The following OAS2 variants were observed in gnomAD, a reference collection of about 807,000 sequenced individuals.
The protein encoded by OAS2 is 2'-5'-oligoadenylate synthetase 2.
OAS2 carries 67 observed loss-of-function variants against 71.3 expected under a neutral mutation model. That is an observed-to-expected ratio of 0.94 (90% confidence interval 0.77 to 1.15). The LOEUF (loss-of-function observed/expected upper bound fraction) is 1.15, where lower values mean the gene tolerates loss of function less well. Ranked by LOEUF, OAS2 falls within the 50% of genes most tolerant of loss-of-function variation. The pLI is 0.00. For synonymous variants in OAS2, 327 were observed against 321.8 expected (o/e 1.02, Z -0.17); for missense variants, 789 against 822.5 (o/e 0.96, Z 0.50).
At chr12:112,998,817 A>G (rs945076864) in intron 5 of OAS2, among the ~76,000 whole-genome samples, 14 of 152,174 alleles carry the variant, frequency 9.2e-5, no homozygotes, top group Non-Finnish European at 1.6e-4. Flanking sequence ...AACAACAGTC[A>G]TACTGAATTA....
chr12:113,003,124 G>T (rs2044304329), intron 6 of OAS2, 22 bp downstream of exon 6: 1 of 1,612,492 alleles, frequency 6.2e-7, no homozygotes, highest in Non-Finnish European at 8.5e-7. Flanking sequence ...CCTTTCTCAT[G>T]TCTTGTTGGA....
chr12:112,985,706 T>C (rs937702967), intron 1 of OAS2, among the ~76,000 whole-genome samples: 2 of 152,260 alleles, frequency 1.3e-5, no homozygotes, highest in Non-Finnish European at 2.9e-5. Flanking sequence ...CCTTTGGAAG[T>C]GCCATGTTTC....
intron 2 of OAS2, among the ~76,000 whole-genome samples, chr12:112,990,684 A>G (rs1391990596): frequency 6.6e-6 from 1 of 152,232 alleles, no homozygotes; most frequent in African/African-American, 2.4e-5. Flanking sequence ...ATTTTGGGGT[A>G]AAATACTTTT....
Position 112,987,065 on chromosome 12 carries a change from T to A in OAS2, c.205T>A (p.Leu69Ile). 6.2e-7 allele frequency: 1 copy of A among 1,613,818 alleles called. No individual in the cohort carries two copies. The highest frequency in any genetic ancestry group is 8.5e-7 in the Non-Finnish European group (1 of 1,179,734). Residue 69 changes from leucine to isoleucine, a missense_variant, in exon 2 of 10, where the codon TTA (leucine) becomes ATA (isoleucine). Leu to Ile is a conservative substitution (Grantham distance 5). Coordinates refer to ENST00000392583, the MANE Select transcript of OAS2 (RefSeq NM_002535.3). The stretch of plus-strand genomic sequence containing the variant: ...TGGCTCCTATGGACGGAAAACAGTC[T>A]TAAGAGGCAACTCCGATGGTACCCT... ...IGGSYGRKTV[L>I]RGNSDGTLVL...
At chr12:112,995,564 T>C in intron 3 of OAS2, 90 bp downstream of exon 3, 2 of 1,225,348 alleles carry the variant, frequency 1.6e-6, no homozygotes, top group Admixed American at 2.2e-5. Context: ...ATCTTAGGTA[T>C]ACAGCTCAAC....
At position 112,987,476 on chromosome 12, in the gene OAS2, C is replaced by T. The variant is rs1593196783; in HGVS notation, c.448+168C>T. On this transcript the variant is annotated intron_variant, in intron 2 of 9. Transcript: ENST00000392583. ...CCTTCTACCCTGGACTCGCTCTCTT[C>T]TCTGGAACTAACTTCTCCCCCATAC... The T allele has an allele frequency of 1.2e-5, 18 of 1,447,770 alleles. No individual in the cohort carries two copies. The East Asian group carries it at 3.0e-4, about 24-fold the overall frequency. 89.7% of individuals were successfully genotyped at this position (1,447,770 alleles called of 1,614,324 possible).
intron 2 of OAS2, among the ~76,000 whole-genome samples, chr12:112,989,560 A>T (rs996230336): frequency 6.6e-6 from 1 of 152,214 alleles, no homozygotes; most frequent in Non-Finnish European, 1.5e-5. Flanking sequence ...ATAGAAGGGA[A>T]TGTCTGGGTT....
rs1318381938 is a variant in OAS2 at position 113,007,782 on chromosome 12, G to GC, written c.1735dup (p.Gln579ProfsTer9). 6.2e-7 allele frequency: 1 copy of GC among 1,614,210 alleles called. No individual in the cohort carries two copies. The highest frequency in any genetic ancestry group is 1.7e-5 in the Admixed American group (1 of 60,032). ...AGCTGCTCACCATCTATGCCTGGGA[G>GC]CAGGGGAGTGGAGTGCCGGATTTTG... is the stretch of plus-strand genomic sequence containing the variant. On this transcript the variant is annotated frameshift_variant, in exon 9 of 10. Transcript: ENST00000392583. LOFTEE classifies it high-confidence loss of function.
intron 1 of OAS2, among the ~76,000 whole-genome samples, chr12:112,980,993 C>T (rs2044076366): frequency 6.6e-6 from 1 of 152,026 alleles, no homozygotes; most frequent in Admixed American, 6.5e-5. Context: ...TTCATATACC[C>T]ATTGGCCATT....
intron 8 of OAS2, 135 bp from the exon 9 acceptor site, chr12:113,007,570 A>G: frequency 1.4e-6 from 1 of 738,286 alleles, no homozygotes; most frequent in Non-Finnish European, 2.4e-6. Flanking sequence ...AGGCTGTACA[A>G]TTTAGACATC....
chr12:112,992,393 GAAAA>G (rs57482640), intron 2 of OAS2, among the ~76,000 whole-genome samples: 1 of 96,690 alleles, frequency 1.0e-5, no homozygotes, highest in African/African-American at 4.2e-5. Flanking sequence ...CTTGTCAAAA[GAAAA>G]AAAAAAAAGA....
At chr12:112,981,927 ACTTC>A (rs1168717370) in intron 1 of OAS2, among the ~76,000 whole-genome samples, 1 of 151,764 alleles carries the variant, frequency 6.6e-6, no homozygotes, top group African/African-American at 2.4e-5. Context: ...GAGATCTTTC[ACTTC>A]CTTAGTTAAA....
intron 2 of OAS2, among the ~76,000 whole-genome samples, chr12:112,993,476 G>A (rs185709209): frequency 6.6e-5 from 10 of 152,278 alleles, no homozygotes; most frequent in African/African-American, 1.2e-4. Flanking sequence ...TGCTCTTTCC[G>A]TCAACCTCCC....
rs578003097 is a variant in OAS2, at chr12:112,992,007, T to C, written c.449-3289T>C. Among the ~76,000 whole-genome samples, 10 of 151,558 alleles carry C rather than the reference T, an allele frequency of 6.6e-5. 1 individual carries two copies. The South Asian group carries it at 1.7e-3, about 25-fold the overall frequency. ...GTAGATGGATGGATGGATAGATAGA[T>C]ATTAAATATATGTATATATTTATGG... On this transcript the variant is annotated intron_variant, in intron 2 of 9. Transcript: ENST00000392583.
intron 5 of OAS2, among the ~76,000 whole-genome samples, chr12:113,000,683 C>T (rs1472098610): frequency 1.4e-5 from 2 of 145,758 alleles, no homozygotes; most frequent in Admixed American, 6.8e-5. Context: ...CACACATGCA[C>T]TCATGCACAC....
intron 2 of OAS2, among the ~76,000 whole-genome samples, chr12:112,991,428 T>C (rs1477781488): frequency 6.6e-6 from 1 of 152,240 alleles, no homozygotes; most frequent in Non-Finnish European, 1.5e-5. Context: ...CCTGATGACA[T>C]GTGCCCAAGG....
At chr12:113,001,391 T>TATATATATACAC (rs2044285868) in intron 5 of OAS2, among the ~76,000 whole-genome samples, 1 of 148,300 alleles carries the variant, frequency 6.7e-6, no homozygotes, top group East Asian at 2.0e-4. Flanking sequence ...CATATACACA[T>TATATATATACAC]ATATATACAC....
At chr12:112,999,536 G>A (rs746016302) in intron 5 of OAS2, among the ~76,000 whole-genome samples, 13 of 152,308 alleles carry the variant, frequency 8.5e-5, no homozygotes, top group Non-Finnish European at 1.6e-4. Context: ...GCATGTAAAT[G>A]AAGATGTAAA....
chr12:112,997,431 C>T (rs1261370361), intron 3 of OAS2, 89 bp from the exon 4 acceptor site: 9 of 1,070,594 alleles, frequency 8.4e-6, no homozygotes, highest in African/African-American at 1.6e-5. Flanking sequence ...CAATGACTTC[C>T]TGTAGACCTC....
Sources: allele counts gnomAD v4.1 joint callset (sites outside exome capture counted in the v4.1 genomes callset), GRCh38; gene constraint gnomAD v4.1.1; transcripts MANE v1.5; gene names NCBI Gene and HGNC (gene_info 2026-07-23, HGNC 2026-07-21).